The following GK variants were observed in gnomAD, a reference collection of about 807,000 sequenced individuals.
The protein encoded by GK is glycerol kinase.
GK carries 9 observed loss-of-function variants against 56.4 expected under a neutral mutation model. That is an observed-to-expected ratio of 0.16 (90% CI 0.10 to 0.28). GK has a LOEUF of 0.28. Among genes scored for constraint, GK ranks in the 10% least tolerant of loss-of-function variants. The pLI, the probability that GK is intolerant of heterozygous loss-of-function variation, is 1.00. For synonymous variants in GK, 104 were observed against 144.1 expected (o/e 0.72, Z 1.99); for missense variants, 161 against 431.4 (o/e 0.37, Z 5.55).
rs763048049 is a variant in GK at position 30,694,364 on chromosome X, T to C, written c.415-36T>C. 1.1e-5 allele frequency: 13 copies of C among 1,179,077 alleles called. No individual in the cohort carries two copies. In the East Asian group the frequency reaches 1.2e-4, roughly 11 times the overall value. ...GTGGTTTTGTTTTAAACTGTTACAC[T>C]TTTCATTTGCTAACTGAACTTCACA... On this transcript the variant is annotated intron_variant, in intron 5 of 20. Transcript: ENST00000427190.
chrX:30,716,416 G>A (rs756514978), intron 13 of GK, among the ~76,000 whole-genome samples: 55 of 111,542 alleles, frequency 4.9e-4, no homozygotes, highest in African/African-American at 1.6e-3. Context: ...TGTGCTGTAA[G>A]TGTAAAGTAT....
Position 30,701,639 on chromosome X carries a change from G to T in GK, c.851+734G>T, listed in dbSNP as rs145938386. On this transcript the variant is annotated intron_variant, in intron 11 of 20. Transcript: ENST00000427190. Reference sequence around the variant, plus strand: ...TGGGATTTTCAAGGTTATTTTCCTGGCATTGTGCTTTCTCTCCATTATCTG... The same window carrying T: ...TGGGATTTTCAAGGTTATTTTCCTGTCATTGTGCTTTCTCTCCATTATCTG... Among the ~76,000 whole-genome samples the T allele has an allele frequency of 7.2e-3, 803 of 111,951 alleles. 7 individuals are homozygous for T. The highest frequency in any genetic ancestry group is 0.025 in the African/African-American group (769 of 30,810).
chrX:30,708,210 TTTTCTG>T, intron 13 of GK, 76 bp downstream of exon 13: 1 of 581,280 alleles, frequency 1.7e-6, no homozygotes, highest in Non-Finnish European at 2.9e-6. Flanking sequence ...TTTCTAACAC[TTTTCTG>T]GTAAATCTTA....
rs191987481 is a variant in GK at position 30,714,196 on chromosome X, G to A, written c.976-4342G>A. Among the ~76,000 whole-genome samples the A allele has an allele frequency of 8.1e-5, 9 of 111,523 alleles. No homozygotes were observed. The East Asian group carries it at 2.5e-3, about 31-fold the overall frequency. ...CTTCTTGAGCTAAATCCCTATTTTA[G>A]GTATAAACCTATGTAATAGATTATC... On this transcript the variant is annotated intron_variant, in intron 13 of 20. Coordinates refer to ENST00000427190, the MANE Select transcript of GK (RefSeq NM_001205019.2).
At chrX:30,676,480 G>A (rs1246445415) in intron 3 of GK, among the ~76,000 whole-genome samples, 1 of 111,791 alleles carries the variant, frequency 8.9e-6, no homozygotes, top group East Asian at 2.8e-4. Context: ...TTAAATTCTG[G>A]AAGAGCTGGA....
chrX:30,724,318 A>G, intron 19 of GK, 137 bp downstream of exon 19: 1 of 486,981 alleles, frequency 2.1e-6, no homozygotes, highest in Non-Finnish European at 3.6e-6. Context: ...GACATTTTGA[A>G]AACACTTTAA....
chrX:30,686,036 T>C (rs955502732), intron 4 of GK, among the ~76,000 whole-genome samples: 2 of 112,683 alleles, frequency 1.8e-5, no homozygotes, highest in African/African-American at 6.4e-5. Context: ...TAGGTGTTCC[T>C]AGGGGAAATG....
At chrX:30,714,140 C>G (rs771758436) in intron 13 of GK, among the ~76,000 whole-genome samples, 1 of 112,009 alleles carries the variant, frequency 8.9e-6, no homozygotes, top group Non-Finnish European at 1.9e-5. Context: ...ACGATTATAG[C>G]GTTAAGATTT....
chrX:30,668,646 C>T (rs974976332), intron 3 of GK, among the ~76,000 whole-genome samples: 11 of 111,544 alleles, frequency 9.9e-5, no homozygotes, highest in Non-Finnish European at 1.9e-4. Flanking sequence ...TTTCAGTAGG[C>T]GATCAAATTG....
intron 3 of GK, among the ~76,000 whole-genome samples, chrX:30,675,678 A>T (rs1344776875): frequency 6.6e-5 from 7 of 106,663 alleles, no homozygotes; most frequent in Admixed American, 1.0e-4. Context: ...CCTAATTTTT[A>T]AAATTTTTTT....
chrX:30,727,248 G>A (rs1005308059), intron 19 of GK, among the ~76,000 whole-genome samples: 1 of 112,669 alleles, frequency 8.9e-6, no homozygotes, highest in Admixed American at 9.4e-5. Context: ...TCTTGGCTGT[G>A]TGGCATGCTA....
intron 5 of GK, among the ~76,000 whole-genome samples, chrX:30,691,971 A>C (rs1220099219): frequency 1.8e-5 from 2 of 111,315 alleles, no homozygotes; most frequent in Non-Finnish European, 3.8e-5. Context: ...ATCCCTCTTC[A>C]CATAAAGGAA....
At chrX:30,664,400 A>G (rs1423644505) in intron 1 of GK, among the ~76,000 whole-genome samples, 1 of 107,361 alleles carries the variant, frequency 9.3e-6, no homozygotes, top group Admixed American at 1.0e-4. Flanking sequence ...GGGTTTCACC[A>G]TGTTGGCTAG....
intron 1 of GK, among the ~76,000 whole-genome samples, chrX:30,657,834 T>A (rs1437271347): frequency 8.9e-6 from 1 of 111,914 alleles, no homozygotes; most frequent in East Asian, 2.8e-4. Flanking sequence ...GAGGCCACCT[T>A]CTCACCTATT....
chrX:30,681,121 G>A (rs1321323763), intron 4 of GK, among the ~76,000 whole-genome samples: 2 of 111,481 alleles, frequency 1.8e-5, no homozygotes, highest in African/African-American at 6.5e-5. Context: ...AAAACAAAAC[G>A]TGACTGAAAA....
chrX:30,711,292 G>A (rs191403084), intron 13 of GK, among the ~76,000 whole-genome samples: 5 of 110,632 alleles, frequency 4.5e-5, no homozygotes, highest in East Asian at 5.6e-4. Context: ...GGCCATTTTC[G>A]ATGTTGATGA....
Position 30,696,598 on chromosome X carries a change from C to T in GK, c.663-19C>T, listed in dbSNP as rs1601918631. On this transcript the variant is annotated intron_variant, in intron 7 of 20. Transcript: ENST00000427190. Reference sequence around the variant, plus strand: ...TCTATTTAAAACAGTGTTAAATACCCAATCTTCTTGTTTTTCAGATTTTTT... The same window carrying T: ...TCTATTTAAAACAGTGTTAAATACCTAATCTTCTTGTTTTTCAGATTTTTT... 8.9e-7 allele frequency: 1 copy of T among 1,126,981 alleles called. No homozygotes were observed. Among genetic ancestry groups the T allele is most frequent in the Non-Finnish European group, 1.2e-6 (1 of 820,826 alleles). 92.9% of individuals were successfully genotyped at this position (1,126,981 alleles called of 1,213,427 possible).
At chrX:30,710,968 T>C (rs1320235567) in intron 13 of GK, among the ~76,000 whole-genome samples, 1 of 111,668 alleles carries the variant, frequency 9.0e-6, no homozygotes. Context: ...AGCTTTCATT[T>C]CCCCCATTTT....
chrX:30,658,569 G>T (rs2147122436), intron 1 of GK, among the ~76,000 whole-genome samples: 1 of 112,556 alleles, frequency 8.9e-6, no homozygotes, highest in African/African-American at 3.2e-5. Context: ...GCCTGCCTTG[G>T]CCTCCCAAAG....
Sources: gnomAD v4.1 joint callset for allele counts (sites outside exome capture counted in the v4.1 genomes callset) on GRCh38, gnomAD v4.1.1 for gene constraint, MANE v1.5 for transcripts, NCBI Gene and HGNC (gene_info 2026-07-23, HGNC 2026-07-21) for gene names.